EPM2A: variants seen among roughly 807,000 people sequenced by gnomAD.
EPM2A encodes EPM2A glucan phosphatase, laforin.
In EPM2A, 21 loss-of-function variants were observed where a neutral mutation model predicts 26.5. The observed-to-expected ratio is 0.79, with a 90% CI of 0.56 to 1.14. The LOEUF is 1.14. EPM2A is among the 50% of genes most tolerant of loss of function. The pLI, the probability that EPM2A is intolerant of heterozygous loss-of-function variation, is 0.00. For missense variants in EPM2A, 458 were observed against 440.8 expected, an observed-to-expected ratio of 1.04 and a Z score of -0.35; for synonymous variants, 217 against 177.6, an observed-to-expected ratio of 1.22 and a Z score of -1.76.
intron 4 of EPM2A, among the ~76,000 whole-genome samples, chr6:145,477,113 A>G (rs995355485): frequency 6.6e-6 from 1 of 151,984 alleles, no homozygotes; most frequent in African/African-American, 2.4e-5. Context: ...AGGAGACATT[A>G]CAACTGATAC....
chr6:145,461,133 G>A (rs568833472), intron 4 of EPM2A, among the ~76,000 whole-genome samples: 1 of 152,156 alleles, frequency 6.6e-6, no homozygotes, highest in African/African-American at 2.4e-5. Flanking sequence ...TTCTTTTACA[G>A]TGGGACCTAA....
intron 1 of EPM2A, among the ~76,000 whole-genome samples, chr6:145,728,007 T>C (rs1372288496): frequency 6.6e-6 from 1 of 152,184 alleles, no homozygotes; most frequent in Non-Finnish European, 1.5e-5. Context: ...TGTGTAGCAC[T>C]TCCCCCTTCT....
downstream of EPM2A, among the ~76,000 whole-genome samples, chr6:145,497,265 T>G (rs554227041): frequency 2.6e-4 from 39 of 152,352 alleles, no homozygotes; most frequent in African/African-American, 8.7e-4. Context: ...TTCTTTGTTT[T>G]CTTTTAACTG....
chr6:145,648,530 C>T (rs772953647), intron 2 of EPM2A, among the ~76,000 whole-genome samples: 1 of 152,146 alleles, frequency 6.6e-6, no homozygotes, highest in East Asian at 1.9e-4. Flanking sequence ...TAGCTGTTAA[C>T]GCAGGTGGAC....
At chr6:145,650,184 G>A (rs1777779880) in intron 2 of EPM2A, among the ~76,000 whole-genome samples, 1 of 152,140 alleles carries the variant, frequency 6.6e-6, no homozygotes, top group South Asian at 2.1e-4. Context: ...TTTGGCCCTG[G>A]TTAAAGATGC....
At chr6:145,619,507 C>T (rs1289786342) in intron 2 of EPM2A, among the ~76,000 whole-genome samples, 2 of 152,130 alleles carry the variant, frequency 1.3e-5, no homozygotes, top group African/African-American at 4.8e-5. Context: ...ACTCAGAATA[C>T]CTTATGAGGG....
intron 2 of EPM2A, among the ~76,000 whole-genome samples, chr6:145,662,165 C>T (rs1778766437): frequency 6.6e-6 from 1 of 152,136 alleles, no homozygotes; most frequent in African/African-American, 2.4e-5. Flanking sequence ...TTCCCACTTC[C>T]TTCTCTTCTC....
chr6:145,541,111 G>T (rs1024989328), intron 2 of EPM2A, among the ~76,000 whole-genome samples: 1 of 151,426 alleles, frequency 6.6e-6, no homozygotes, highest in African/African-American at 2.4e-5. Context: ...CCAGAAAAAA[G>T]CATGTATGAA....
chr6:145,429,367 T>G (rs1473229231), intron 4 of EPM2A, among the ~76,000 whole-genome samples: 1 of 152,198 alleles, frequency 6.6e-6, no homozygotes, highest in Non-Finnish European at 1.5e-5. Context: ...AAAGCAAGGT[T>G]CTTTTCTATA....
At chr6:145,390,975 T>A (rs778843231) in intron 4 of EPM2A, among the ~76,000 whole-genome samples, 2 of 152,104 alleles carry the variant, frequency 1.3e-5, no homozygotes, top group Non-Finnish European at 2.9e-5. Context: ...GAGTTGGTGA[T>A]GTGTGGCTTA....
intron 2 of EPM2A, among the ~76,000 whole-genome samples, chr6:145,512,436 C>T (rs1466229709): frequency 1.3e-5 from 2 of 151,858 alleles, no homozygotes; most frequent in African/African-American, 2.4e-5. Context: ...GACCCCAGGC[C>T]GGGCGTGGTG....
chr6:145,645,438 G>C (rs1434854647), intron 2 of EPM2A, among the ~76,000 whole-genome samples: 1 of 152,052 alleles, frequency 6.6e-6, no homozygotes, highest in Non-Finnish European at 1.5e-5. Flanking sequence ...TCCTGAGTAG[G>C]ACTACAGGCA....
At chr6:145,474,190 G>T (rs1428081571) in intron 4 of EPM2A, among the ~76,000 whole-genome samples, 1 of 152,098 alleles carries the variant, frequency 6.6e-6, no homozygotes, top group Non-Finnish European at 1.5e-5. Flanking sequence ...GGACCAGCGT[G>T]GTGGCTCATG....
At chr6:145,713,547 C>T (rs966885460) in intron 1 of EPM2A, among the ~76,000 whole-genome samples, 1 of 152,164 alleles carries the variant, frequency 6.6e-6, no homozygotes. Flanking sequence ...GACCCCATTT[C>T]ACACCCTCTA....
chr6:145,619,265 G>C lies in EPM2A; in HGVS notation c.340+15980C>G, dbSNP rs9497373. 5.2e-3 allele frequency among the ~76,000 whole-genome samples: 797 copies of C among 152,294 alleles called. 4 individuals carry two copies. The highest frequency in any genetic ancestry group is 0.018 in the African/African-American group (763 of 41,568). ...ACTCAGAAGAAAGCAGTGGAATGGG[G>C]ATTGAGATTTGGATATCATTACTAT... On this transcript the variant is annotated intron_variant, in intron 2 of 3. Transcript: ENST00000450221.
intron 4 of EPM2A, among the ~76,000 whole-genome samples, chr6:145,397,535 G>T (rs765577316): frequency 4.6e-5 from 7 of 152,160 alleles, no homozygotes; most frequent in Non-Finnish European, 1.0e-4. Context: ...ATTACAGGGG[G>T]AACTCCCAGC....
rs189443108 is a variant in EPM2A, at chr6:145,528,243, T to C, written c.341-25668A>G. Reference sequence around the variant, plus strand: ...AAAGCAAGTTATCCAGAAGAACTAATTAAGATAACTGATGAAGGTGGCTAC... The same window carrying C: ...AAAGCAAGTTATCCAGAAGAACTAACTAAGATAACTGATGAAGGTGGCTAC... On this transcript the variant is annotated intron_variant, in intron 2 of 3. Coordinates refer to the EPM2A transcript ENST00000450221. 3.0e-3 allele frequency among the ~76,000 whole-genome samples: 453 copies of C among 152,246 alleles called. 3 individuals are homozygous for C. Among genetic ancestry groups the C allele is most frequent in the African/African-American group, 0.011 (438 of 41,556 alleles).
intron 2 of EPM2A, among the ~76,000 whole-genome samples, chr6:145,681,604 T>A (rs1434688166): frequency 2.0e-5 from 3 of 151,360 alleles, no homozygotes; most frequent in Admixed American, 2.0e-4. Context: ...TTCAGCTTTC[T>A]ACATATGGCT....
At chr6:145,416,640 G>C (rs1365494126) in intron 4 of EPM2A, among the ~76,000 whole-genome samples, 1 of 152,172 alleles carries the variant, frequency 6.6e-6, no homozygotes, top group East Asian at 1.9e-4. Context: ...GCACATGGCA[G>C]CTTTTAGCCT....
Sources: allele counts gnomAD v4.1 joint callset (sites outside exome capture counted in the v4.1 genomes callset), GRCh38; gene constraint gnomAD v4.1.1; transcripts MANE v1.5; gene names NCBI Gene and HGNC (gene_info 2026-07-23, HGNC 2026-07-21).